CFAP47: variants seen among roughly 807,000 people sequenced by gnomAD.
CFAP47 encodes the protein cilia- and flagella-associated protein 47.
Under a neutral mutation model 148.1 loss-of-function variants are expected in CFAP47, and 29 were observed. The ratio of observed to expected loss-of-function variants is 0.20; its 90% CI spans 0.15 to 0.27. The LOEUF (loss-of-function observed/expected upper bound fraction) is 0.27. CFAP47 is among the 10% of genes least tolerant of loss of function. CFAP47 has a pLI of 1.00. For missense variants in CFAP47, 1,872 were observed against 1,697.5 expected (o/e 1.10, Z -1.81); for synonymous variants, 664 against 577.3 (o/e 1.15, Z -2.15).
At chrX:36,356,669 C>T (rs781921563) in intron 60 of CFAP47, among the ~76,000 whole-genome samples, 2 of 111,283 alleles carry the variant, frequency 1.8e-5, no homozygotes, top group East Asian at 2.8e-4. Flanking sequence ...TCCTTTCTCA[C>T]TCCTGTGCAA....
chrX:35,960,475 A>G (rs1387581840), intron 8 of CFAP47, among the ~76,000 whole-genome samples: 1 of 105,817 alleles, frequency 9.5e-6, no homozygotes, highest in Non-Finnish European at 1.9e-5. Context: ...TTGCCATTTT[A>G]ACAATATTAA....
At chrX:36,266,136 G>T (rs1383666162) in intron 49 of CFAP47, among the ~76,000 whole-genome samples, 1 of 111,155 alleles carries the variant, frequency 9.0e-6, no homozygotes, top group African/African-American at 3.3e-5. Flanking sequence ...AATGATGGGG[G>T]CACGGTGGGT....
intron 33 of CFAP47, among the ~76,000 whole-genome samples, chrX:36,133,060 A>G (rs1005601034): frequency 7.2e-5 from 8 of 111,771 alleles, no homozygotes; most frequent in African/African-American, 2.6e-4. Context: ...ACTTGTAGAT[A>G]GAGCTAGACG....
chrX:36,271,646 A>G (rs1176011730), intron 49 of CFAP47, among the ~76,000 whole-genome samples: 1 of 112,276 alleles, frequency 8.9e-6, no homozygotes, highest in African/African-American at 3.2e-5. Context: ...GCACCAAAAT[A>G]AACTCATGCT....
chrX:36,332,377 G>A (rs781989237), intron 57 of CFAP47, among the ~76,000 whole-genome samples: 21 of 110,801 alleles, frequency 1.9e-4, no homozygotes, highest in Non-Finnish European at 2.3e-4. Flanking sequence ...AAGTTGTCAC[G>A]TCTCCATGAG....
At chrX:36,077,378 A>G (rs1452996225) in intron 29 of CFAP47, among the ~76,000 whole-genome samples, 2 of 107,564 alleles carry the variant, frequency 1.9e-5, no homozygotes, top group African/African-American at 6.8e-5. Context: ...CATTTTAACT[A>G]TATTGATTCT....
At chrX:36,036,689 G>A (rs979570303) in intron 24 of CFAP47, among the ~76,000 whole-genome samples, 7 of 111,536 alleles carry the variant, frequency 6.3e-5, no homozygotes, top group African/African-American at 2.0e-4. Context: ...AAATTCCGAG[G>A]ACACTAAGTT....
At chrX:36,201,778 T>C (rs1385315436) in intron 44 of CFAP47, among the ~76,000 whole-genome samples, 1 of 110,873 alleles carries the variant, frequency 9.0e-6, no homozygotes, top group African/African-American at 3.3e-5. Context: ...TAGAGTGCCC[T>C]GGAGAACTTA....
intron 49 of CFAP47, among the ~76,000 whole-genome samples, chrX:36,269,377 TACAA>T (rs1331591528): frequency 8.9e-6 from 1 of 112,029 alleles, no homozygotes; most frequent in Non-Finnish European, 1.9e-5. Context: ...GATAGATAGA[TACAA>T]ACAAACACAG....
intron 2 of CFAP47, among the ~76,000 whole-genome samples, chrX:35,926,763 T>A (rs1935747403): frequency 9.0e-6 from 1 of 111,661 alleles, no homozygotes; most frequent in Non-Finnish European, 1.9e-5. Context: ...CTTTTGCCTC[T>A]ATTTGCCCAC....
intron 21 of CFAP47, among the ~76,000 whole-genome samples, chrX:36,005,169 G>C (rs762528651): frequency 9.1e-6 from 1 of 110,356 alleles, no homozygotes; most frequent in Admixed American, 9.6e-5. Context: ...CTGATTTGCT[G>C]TATTATTTTT....
chrX:35,980,718 G>T (rs1291083557), intron 15 of CFAP47, among the ~76,000 whole-genome samples: 1 of 110,057 alleles, frequency 9.1e-6, no homozygotes, highest in Admixed American at 9.8e-5. Flanking sequence ...TCTGATGTTG[G>T]TTCCTCTTCC....
intron 33 of CFAP47, among the ~76,000 whole-genome samples, chrX:36,115,738 A>G (rs1186320761): frequency 1.8e-5 from 2 of 111,984 alleles, no homozygotes; most frequent in Non-Finnish European, 3.8e-5. Context: ...AAAATAGCTA[A>G]CAGATATAAA....
At chrX:35,988,933 G>T (rs1936753494) in intron 15 of CFAP47, among the ~76,000 whole-genome samples, 1 of 112,200 alleles carries the variant, frequency 8.9e-6, no homozygotes, top group Non-Finnish European at 1.9e-5. Flanking sequence ...ATTCCAGAAT[G>T]TCAGAAAACA....
At chrX:36,260,780 G>T (rs1375647304) in intron 49 of CFAP47, among the ~76,000 whole-genome samples, 1 of 111,920 alleles carries the variant, frequency 8.9e-6, no homozygotes, top group Non-Finnish European at 1.9e-5. Context: ...CTTTGCCAAG[G>T]TCTATGTCCA....
Position 36,073,166 on chromosome X carries a change from A to G in CFAP47, c.4493A>G (p.His1498Arg), listed in dbSNP as rs1244089522. ...GTGGAAGTACTGCCTGAAAATTTGC[A>G]CTTGGATGAAAGTGAAACATCAGAG... ...IGVEVLPENL[H>R]LDESETSEED... is the part of the protein sequence containing the mutation. Residue 1498 changes from histidine (H) to arginine (R), a missense_variant, in exon 29 of 64, where the codon CAC becomes CGC. His to Arg is a conservative substitution (Grantham distance 29). Coordinates refer to ENST00000378653, the MANE Select transcript of CFAP47 (RefSeq NM_001304548.2). The G allele has an allele frequency of 7.4e-6, 9 of 1,209,633 alleles. No homozygotes were observed. Among genetic ancestry groups the G allele is most frequent in the Non-Finnish European group, 1.0e-5 (9 of 893,877 alleles).
chrX:36,064,248 T>C (rs1013451643), intron 26 of CFAP47, among the ~76,000 whole-genome samples: 6 of 111,745 alleles, frequency 5.4e-5, no homozygotes, highest in African/African-American at 1.9e-4. Flanking sequence ...ATCAAGGAAA[T>C]TTAAGTTTAA....
At chrX:35,953,804 C>G in intron 7 of CFAP47, 85 bp downstream of exon 7, 1 of 640,722 alleles carries the variant, frequency 1.6e-6, no homozygotes, top group Non-Finnish European at 2.2e-6. Flanking sequence ...TAGAGACAAT[C>G]TAATAAAATA....
chrX:36,110,769 T>A (rs868831382), intron 33 of CFAP47, among the ~76,000 whole-genome samples: 1 of 112,109 alleles, frequency 8.9e-6, no homozygotes, highest in Non-Finnish European at 1.9e-5. Context: ...TCTGTTGGTG[T>A]CATCTCTGAT....
Sources: allele counts gnomAD v4.1 joint callset (sites outside exome capture counted in the v4.1 genomes callset), GRCh38; gene constraint gnomAD v4.1.1; transcripts MANE v1.5; gene names NCBI Gene and HGNC (gene_info 2026-07-23, HGNC 2026-07-21).